The following DPY30 variants were observed in gnomAD, a reference collection of about 807,000 sequenced individuals.
DPY30 encodes protein dpy-30 homolog.
In DPY30, 6 loss-of-function variants were observed where a neutral mutation model predicts 16.2. The observed-to-expected ratio is 0.37, with a 90% CI of 0.20 to 0.73. The LOEUF is 0.73. DPY30 is among the 30% of genes least tolerant of loss of function. The pLI, the probability that DPY30 is intolerant of heterozygous loss-of-function variation, is 0.51. For missense variants in DPY30, 73 were observed against 113.1 expected (o/e 0.65, Z 1.61); for synonymous variants, 39 against 38.8 (o/e 1.00, Z -0.02).
At chr2:32,026,771 T>C (rs1475592027) in intron 4 of DPY30, among the ~76,000 whole-genome samples, 4 of 151,724 alleles carry the variant, frequency 2.6e-5, no homozygotes, top group South Asian at 2.1e-4. Context: ...CTGAGCAACA[T>C]AGCATCCAGC....
intron 5 of DPY30, among the ~76,000 whole-genome samples, chr2:32,015,849 T>TAAAAA (rs751298889): frequency 8.4e-6 from 1 of 119,740 alleles, no homozygotes; most frequent in Non-Finnish European, 1.8e-5. Context: ...AGACCCTGTC[T>TAAAAA]AAAAAAAAAA....
At chr2:32,022,448 T>G (rs968732178), downstream of DPY30, among the ~76,000 whole-genome samples, 3 of 152,086 alleles carry the variant, frequency 2.0e-5, no homozygotes, top group African/African-American at 7.2e-5. Flanking sequence ...TCTACTAAAA[T>G]AAGTATTTCC....
At chr2:32,029,300 T>C (rs529335213) in intron 4 of DPY30, among the ~76,000 whole-genome samples, 48 of 152,194 alleles carry the variant, frequency 3.2e-4, no homozygotes, top group Middle Eastern at 3.4e-3. Flanking sequence ...TAAATTATAA[T>C]CATGAAGACT....
At chr2:32,039,374 G>T (rs910414408) in intron 2 of DPY30, 47 bp downstream of exon 2, 8 of 1,613,882 alleles carry the variant, frequency 5.0e-6, no homozygotes, top group Non-Finnish European at 2.5e-6. Context: ...CCCCTTTCTC[G>T]CTGCCTCCCT....
At chr2:32,015,344 G>GC (rs1291910342) in intron 5 of DPY30, among the ~76,000 whole-genome samples, 1 of 151,948 alleles carries the variant, frequency 6.6e-6, no homozygotes, top group Non-Finnish European at 1.5e-5. Flanking sequence ...AGTCAACTTT[G>GC]CCCCTGTCTA....
intron 4 of DPY30, among the ~76,000 whole-genome samples, chr2:32,026,422 A>G (rs1558585797): frequency 6.6e-6 from 1 of 152,020 alleles, no homozygotes; most frequent in Non-Finnish European, 1.5e-5. Flanking sequence ...AAAAATTAAC[A>G]ATAAAAAAAA....
chr2:32,025,279 A>G (rs1374597422), intron 4 of DPY30, among the ~76,000 whole-genome samples: 2 of 152,044 alleles, frequency 1.3e-5, no homozygotes, highest in Non-Finnish European at 2.9e-5. Context: ...CCTGACCAAC[A>G]TGGTGAAACT....
chr2:32,022,598 A>AC (rs1280440373), downstream of DPY30, among the ~76,000 whole-genome samples: 1 of 151,760 alleles, frequency 6.6e-6, no homozygotes, highest in African/African-American at 2.4e-5. Flanking sequence ...GCTCACTGCA[A>AC]CCTCTGCCTC....
chr2:32,039,068 G>A (rs908913729), intron 3 of DPY30, among the ~76,000 whole-genome samples: 2 of 152,156 alleles, frequency 1.3e-5, no homozygotes, highest in South Asian at 2.1e-4. Context: ...CGCAATAAAA[G>A]TTCAATCCTT....
At chr2:32,037,167 G>T (rs1675775150) in intron 3 of DPY30, among the ~76,000 whole-genome samples, 1 of 152,138 alleles carries the variant, frequency 6.6e-6, no homozygotes, top group Non-Finnish European at 1.5e-5. Context: ...AAGCCCTTTG[G>T]GCAGGAGGAA....
intron 3 of DPY30, among the ~76,000 whole-genome samples, chr2:32,038,370 G>A (rs1029142982): frequency 1.5e-5 from 2 of 132,026 alleles, no homozygotes; most frequent in East Asian, 5.0e-4. Context: ...CAAAGTGCTG[G>A]GATTACAAGG....
downstream of DPY30, among the ~76,000 whole-genome samples, chr2:32,019,076 C>T (rs780798439): frequency 1.4e-4 from 22 of 152,118 alleles, no homozygotes; most frequent in Non-Finnish European, 2.8e-4. Flanking sequence ...TGATTACCTA[C>T]AGTGACTCAC....
chr2:32,029,513 T>C, intron 4 of DPY30, 81 bp downstream of exon 4: 1 of 1,517,274 alleles, frequency 6.6e-7, no homozygotes, highest in South Asian at 1.2e-5. Context: ...AAAAAGTCGC[T>C]ATACATAACT....
chr2:32,032,397 T>C (rs1675573931), intron 3 of DPY30, among the ~76,000 whole-genome samples: 1 of 152,224 alleles, frequency 6.6e-6, no homozygotes, highest in Admixed American at 6.6e-5. Context: ...TCATTATTTC[T>C]GAAAACTGAC....
intron 3 of DPY30, among the ~76,000 whole-genome samples, chr2:32,036,860 C>G (rs1221496920): frequency 6.6e-6 from 1 of 151,914 alleles, no homozygotes; most frequent in Non-Finnish European, 1.5e-5. Flanking sequence ...CAGAGCGAGA[C>G]TCTGTTTCAA....
At chr2:32,026,664 G>A (rs1450974018) in intron 4 of DPY30, among the ~76,000 whole-genome samples, 3 of 147,400 alleles carry the variant, frequency 2.0e-5, no homozygotes, top group East Asian at 4.2e-4. Context: ...GATGGCAGGC[G>A]CCTGTAGTTC....
At chr2:32,015,957 T>G (rs1425446279) in intron 5 of DPY30, among the ~76,000 whole-genome samples, 1 of 151,404 alleles carries the variant, frequency 6.6e-6, no homozygotes, top group East Asian at 2.0e-4. Flanking sequence ...TGGCGCAATC[T>G]CGGCTCACTG....
intron 3 of DPY30, among the ~76,000 whole-genome samples, chr2:32,032,200 TA>T (rs1553389198): frequency 6.6e-6 from 1 of 152,188 alleles, no homozygotes; most frequent in Admixed American, 6.6e-5. Context: ...ATTTTGGAAT[TA>T]AAAGATAATT....
downstream of DPY30, among the ~76,000 whole-genome samples, chr2:32,021,489 C>T (rs1675179263): frequency 6.6e-6 from 1 of 151,776 alleles, no homozygotes; most frequent in East Asian, 1.9e-4. Context: ...ACCAGCCTGG[C>T]CAACATGGTA....
Sources: gnomAD v4.1 joint callset for allele counts (sites outside exome capture counted in the v4.1 genomes callset) on GRCh38, gnomAD v4.1.1 for gene constraint, MANE v1.5 for transcripts, NCBI Gene and HGNC (gene_info 2026-07-23, HGNC 2026-07-21) for gene names.